The following GPR35 variants were observed in gnomAD, a reference collection of about 807,000 sequenced individuals.
GPR35 encodes G protein-coupled receptor 35, also known as KYNA receptor.
For synonymous variants in GPR35, 207 were observed against 198.4 expected (o/e 1.04, Z -0.36); for missense variants, 372 against 422.5 (o/e 0.88, Z 1.05).
chr2:240,623,326 GGGCGCAAACA>G (rs1202468150), upstream of GPR35, among the ~76,000 whole-genome samples: 109 of 140,060 alleles, frequency 7.8e-4, 3 homozygotes, highest in East Asian at 6.9e-3. Flanking sequence ...CAGGTCGTGA[GGGCGCAAACA>G]GGTCGTGAGG....
chr2:240,626,708 A>G (rs1471172581), intron 1 of GPR35, among the ~76,000 whole-genome samples: 2 of 152,114 alleles, frequency 1.3e-5, no homozygotes, highest in Non-Finnish European at 2.9e-5. Flanking sequence ...GCCCAGGCCC[A>G]GTGGGGTCAC....
chr2:240,613,594 A>C (rs1480487626), intron 2 of GPR35, among the ~76,000 whole-genome samples: 1 of 152,110 alleles, frequency 6.6e-6, no homozygotes, highest in African/African-American at 2.4e-5. Flanking sequence ...CCTAAAATTC[A>C]GGCAGAACCG....
At chr2:240,620,440 T>C (rs2043280557) in intron 5 of GPR35, among the ~76,000 whole-genome samples, 1 of 152,050 alleles carries the variant, frequency 6.6e-6, no homozygotes, top group Non-Finnish European at 1.5e-5. Context: ...GAGGCTCCAC[T>C]GTGAGGGTGC....
intron 2 of GPR35, among the ~76,000 whole-genome samples, chr2:240,612,768 G>A (rs1383216176): frequency 6.6e-6 from 1 of 152,258 alleles, no homozygotes; most frequent in African/African-American, 2.4e-5. Flanking sequence ...TCAAATCCGG[G>A]CTTCTCCAGA....
At chr2:240,609,980 G>T (rs1205152973) in intron 2 of GPR35, among the ~76,000 whole-genome samples, 4 of 146,910 alleles carry the variant, frequency 2.7e-5, no homozygotes, top group Middle Eastern at 3.5e-3. Context: ...TTTTTTTTGA[G>T]ATGGAGTCTC....
intron 1 of GPR35, among the ~76,000 whole-genome samples, 183 bp downstream of exon 1, chr2:240,625,751 C>CGAGGTGAGGCTGTGATG (rs797018926): frequency 3.2e-5 from 1 of 31,362 alleles, no homozygotes; most frequent in Non-Finnish European, 6.0e-5. Flanking sequence ...GGTCTCAGAG[C>CGAGGTGAGGCTGTGATG]GGGGTGAGGC....
chr2:240,619,795 G>A (rs181132093), intron 5 of GPR35, among the ~76,000 whole-genome samples: 82 of 152,330 alleles, frequency 5.4e-4, no homozygotes, highest in African/African-American at 1.6e-3. Context: ...GCTGGCAGGC[G>A]GCCTCAGGCA....
intron 2 of GPR35, among the ~76,000 whole-genome samples, chr2:240,608,701 C>T (rs1221675196): frequency 1.3e-5 from 2 of 151,984 alleles, no homozygotes; most frequent in Non-Finnish European, 2.9e-5. Context: ...CTGTAGTTTT[C>T]TTTTCTTGTA....
chr2:240,607,023 G>A (rs2043141592), intron 2 of GPR35, among the ~76,000 whole-genome samples: 1 of 152,144 alleles, frequency 6.6e-6, no homozygotes, highest in South Asian at 2.1e-4. Flanking sequence ...ATGGAGAGGA[G>A]AATAGGCTAG....
chr2:240,622,592 C>T (rs547016259), upstream of GPR35, among the ~76,000 whole-genome samples: 6 of 152,244 alleles, frequency 3.9e-5, no homozygotes, highest in Admixed American at 2.0e-4. Context: ...TTGTGTTGGG[C>T]CACATTCAAA....
In GPR35 at chr2:240,630,769, G is replaced by A. The variant is rs1231549822; in HGVS notation, c.817G>A (p.Ala273Thr). The A allele has an allele frequency of 1.1e-5, 17 of 1,613,432 alleles. No homozygotes were observed. The highest frequency in any genetic ancestry group is 1.3e-5 in the African/African-American group (1 of 74,932). Reference protein sequence around the residue: ...KLSDANCCLDAICYYYMAKEF... With the variant: ...KLSDANCCLDTICYYYMAKEF... Reference sequence around the variant, plus strand: ...CTCAGATGCCAACTGCTGCCTGGACGCCATCTGCTACTACTACATGGCCAA... The same window carrying A: ...CTCAGATGCCAACTGCTGCCTGGACACCATCTGCTACTACTACATGGCCAA... Residue 273 changes from alanine (A) to threonine (T), a missense_variant, in exon 2 of 2, where the codon GCC (alanine) becomes ACC (threonine). By Grantham distance (58) the Ala-to-Thr change is moderately conservative. Transcript: ENST00000407714.
At chr2:240,618,996 GC>G in exon 5 of GPR35, 1 of 702,866 alleles carries the variant, frequency 1.4e-6, no homozygotes, top group Non-Finnish European at 2.6e-6. Context: ...GTGAAGAGCT[GC>G]TGAAGTACAT....
At chr2:240,625,891 G>T (rs1365290256) in intron 1 of GPR35, among the ~76,000 whole-genome samples, 2 of 133,946 alleles carry the variant, frequency 1.5e-5, no homozygotes, top group African/African-American at 5.5e-5. Flanking sequence ...TGTGATGGGG[G>T]TCTCAGAGTG....
upstream of GPR35, among the ~76,000 whole-genome samples, chr2:240,621,907 G>C (rs182903978): frequency 9.2e-5 from 14 of 152,130 alleles, no homozygotes; most frequent in Admixed American, 3.3e-4. Context: ...GTCTTGCTCT[G>C]TTGCAACCAG....
chr2:240,627,813 G>A (rs762868195), intron 1 of GPR35: 3 of 151,946 alleles, frequency 2.0e-5, no homozygotes, highest in East Asian at 1.9e-4. Context: ...GGGCCACACC[G>A]AGGCTAGTAT....
chr2:240,616,802 C>T (rs899776713), intron 3 of GPR35, among the ~76,000 whole-genome samples: 2 of 149,588 alleles, frequency 1.3e-5, no homozygotes, highest in Non-Finnish European at 3.0e-5. Context: ...TTGAAAGAGA[C>T]CATGGCATCT....
intron 5 of GPR35, among the ~76,000 whole-genome samples, chr2:240,619,460 A>T (rs1239210899): frequency 1.3e-5 from 2 of 152,184 alleles, no homozygotes; most frequent in East Asian, 3.8e-4. Flanking sequence ...CGGGAGTGAG[A>T]ACTCTCCACA....
intron 2 of GPR35, among the ~76,000 whole-genome samples, chr2:240,612,760 A>C (rs1378842160): frequency 1.3e-5 from 2 of 152,232 alleles, no homozygotes; most frequent in Non-Finnish European, 2.9e-5. Flanking sequence ...ACAGCTGATC[A>C]AATCCGGGCT....
intron 5 of GPR35, among the ~76,000 whole-genome samples, chr2:240,620,268 A>G (rs1465428328): frequency 1.3e-5 from 2 of 152,138 alleles, no homozygotes; most frequent in Admixed American, 6.5e-5. Context: ...CCCTCAGCCC[A>G]AGGAGCCTCT....
Sources: allele counts gnomAD v4.1 joint callset (sites outside exome capture counted in the v4.1 genomes callset), GRCh38; gene constraint gnomAD v4.1.1; transcripts MANE v1.5; gene names NCBI Gene and HGNC (gene_info 2026-07-23, HGNC 2026-07-21).